PCDH9: variants seen among roughly 807,000 people sequenced by gnomAD.
The protein encoded by PCDH9 is protocadherin 9.
In PCDH9, 24 loss-of-function variants were observed where a neutral mutation model predicts 70.6. That is an observed-to-expected ratio of 0.34 (90% CI 0.25 to 0.48). The LOEUF (loss-of-function observed/expected upper bound fraction) is 0.48. Ranked by LOEUF, PCDH9 falls within the 20% of genes least tolerant of loss-of-function variation. The pLI is 0.99. For missense variants in PCDH9, 1,281 were observed against 1,503.6 expected, an observed-to-expected ratio of 0.85 and a Z score of 2.45; for synonymous variants, 562 against 558.5, an observed-to-expected ratio of 1.01 and a Z score of -0.09.
chr13:66,763,029 A>T (rs2079653543), intron 3 of PCDH9, among the ~76,000 whole-genome samples: 1 of 151,974 alleles, frequency 6.6e-6, no homozygotes, highest in South Asian at 2.1e-4. Flanking sequence ...TGGAAGGTTC[A>T]ACAATAGTGC....
At position 67,019,228 on chromosome 13, in the gene PCDH9, C is replaced by A. The variant is rs189778003; in HGVS notation, c.3037-115623G>T. 3.6e-3 allele frequency among the ~76,000 whole-genome samples: 471 copies of A among 129,370 alleles called. 5 individuals are homozygous for A. The highest frequency in any genetic ancestry group is 0.013 in the African/African-American group (457 of 34,680). The allele number at this position is 129,370 out of a possible 152,430, so 84.9% of individuals were successfully genotyped here. ...TTTTTTTCTGAGATGGAGTCTTGCT[C>A]TGTCGCCCAGGCTGGAGTGCAGTGG... On this transcript the variant is annotated intron_variant, in intron 2 of 4. Transcript: ENST00000377865.
intron 4 of PCDH9, among the ~76,000 whole-genome samples, chr13:66,378,569 G>C (rs1026232037): frequency 6.6e-6 from 1 of 152,178 alleles, no homozygotes; most frequent in Non-Finnish European, 1.5e-5. Context: ...GAAGACCTAT[G>C]ATTGTAGAAT....
chr13:66,399,727 C>T (rs74920427), intron 4 of PCDH9, among the ~76,000 whole-genome samples: 1 of 150,098 alleles, frequency 6.7e-6, no homozygotes, highest in Non-Finnish European at 1.5e-5. Flanking sequence ...AAATAAAGAA[C>T]CAAAAAAAAA....
At chr13:67,030,113 C>T (rs780129499) in intron 2 of PCDH9, among the ~76,000 whole-genome samples, 23 of 152,074 alleles carry the variant, frequency 1.5e-4, no homozygotes, top group Non-Finnish European at 3.2e-4. Context: ...TGGAGTCTCG[C>T]TCTGTCACCC....
chr13:66,810,633 A>G (rs1046557935), intron 3 of PCDH9, among the ~76,000 whole-genome samples: 1 of 151,962 alleles, frequency 6.6e-6, no homozygotes, highest in South Asian at 2.1e-4. Flanking sequence ...TTAAACTTCT[A>G]TCCCTAGTAT....
chr13:66,437,404 CA>C (rs66796123), intron 4 of PCDH9, among the ~76,000 whole-genome samples: 9 of 45,586 alleles, frequency 2.0e-4, no homozygotes, highest in East Asian at 1.2e-3. Flanking sequence ...GACTCTGTCT[CA>C]AAAAAAAAAA....
intron 2 of PCDH9, among the ~76,000 whole-genome samples, chr13:67,199,470 T>C (rs547588626): frequency 1.3e-5 from 2 of 151,964 alleles, no homozygotes; most frequent in Non-Finnish European, 2.9e-5. Flanking sequence ...AATAGCAAAA[T>C]ACATCTTTGA....
chr13:67,206,459 ATACTGT>A (rs1234307393), intron 2 of PCDH9: 2 of 152,172 alleles, frequency 1.3e-5, no homozygotes, highest in Non-Finnish European at 2.9e-5. Flanking sequence ...CGCCCGGCTG[ATACTGT>A]TAAAGTCTTA....
intron 3 of PCDH9, among the ~76,000 whole-genome samples, chr13:66,669,188 G>A (rs552568433): frequency 6.6e-6 from 1 of 152,152 alleles, no homozygotes; most frequent in South Asian, 2.1e-4. Context: ...GTTCCTAATT[G>A]GTCTGAGACA....
intron 4 of PCDH9, among the ~76,000 whole-genome samples, chr13:66,574,402 A>G (rs1432571718): frequency 3.3e-5 from 5 of 152,152 alleles, no homozygotes; most frequent in African/African-American, 9.7e-5. Flanking sequence ...TGATACATAA[A>G]TAAAGTAGAA....
At chr13:66,974,772 T>C (rs911970516) in intron 2 of PCDH9, among the ~76,000 whole-genome samples, 2 of 152,022 alleles carry the variant, frequency 1.3e-5, no homozygotes, top group African/African-American at 4.8e-5. Flanking sequence ...TATACAGAAT[T>C]TCAGTTCTTA....
intron 2 of PCDH9, among the ~76,000 whole-genome samples, chr13:67,031,035 G>C (rs2084895406): frequency 6.6e-6 from 1 of 152,104 alleles, no homozygotes; most frequent in Non-Finnish European, 1.5e-5. Flanking sequence ...AGGAGTTACT[G>C]CTTCCTACTA....
intron 3 of PCDH9, among the ~76,000 whole-genome samples, chr13:66,695,763 G>A (rs538739175): frequency 1.7e-4 from 26 of 152,110 alleles, no homozygotes; most frequent in African/African-American, 5.1e-4. Context: ...AAAAATACAC[G>A]TCAGTTTTAA....
chr13:66,446,450 A>G (rs547162636), intron 4 of PCDH9, among the ~76,000 whole-genome samples: 84 of 152,100 alleles, frequency 5.5e-4, no homozygotes, highest in Non-Finnish European at 9.9e-4. Flanking sequence ...AAAGATGAGT[A>G]GGAAAAAGAA....
chr13:66,402,225 A>G (rs1482481015), intron 4 of PCDH9, among the ~76,000 whole-genome samples: 1 of 152,166 alleles, frequency 6.6e-6, no homozygotes, highest in Non-Finnish European at 1.5e-5. Flanking sequence ...GACAGAGTAG[A>G]AGGGAAAACA....
chr13:66,817,464 A>G (rs2080628669), intron 3 of PCDH9, among the ~76,000 whole-genome samples: 1 of 152,166 alleles, frequency 6.6e-6, no homozygotes. Flanking sequence ...ATACTCATAG[A>G]TAGAAACTAC....
rs550500588 is a variant in PCDH9 at position 66,909,873 on chromosome 13, C to G, written c.3037-6268G>C. Among the ~76,000 whole-genome samples the G allele has an allele frequency of 1.8e-3, 271 of 152,208 alleles. 4 individuals carry two copies. Among genetic ancestry groups the G allele is most frequent in the African/African-American group, 6.1e-3 (252 of 41,528 alleles). ...ATAAGCTTATGTTCAACTTCGGGAC[C>G]CTGACACATGTTCCTACCCAGTGGA... On this transcript the variant is annotated intron_variant, in intron 2 of 4. Transcript: ENST00000377865.
At chr13:67,058,098 C>A (rs113334192) in intron 2 of PCDH9, among the ~76,000 whole-genome samples, 46 of 152,174 alleles carry the variant, frequency 3.0e-4, no homozygotes, top group Non-Finnish European at 5.7e-4. Flanking sequence ...CTGATATTTT[C>A]TGTTTTTATT....
rs557459479 is a variant in PCDH9, at chr13:66,707,389, G to T, written c.3139-75978C>A. On this transcript the variant is annotated intron_variant, in intron 3 of 4. Transcript: ENST00000377865. ...AAAAGCAAGTGACAAATACAAAAAGGCAGCACATATTGCCAGCTATTAAGC... is the reference window on the plus strand; with the variant it reads ...AAAAGCAAGTGACAAATACAAAAAGTCAGCACATATTGCCAGCTATTAAGC... Among the ~76,000 whole-genome samples, 3 of 152,244 alleles carry T rather than the reference G, an allele frequency of 2.0e-5. No homozygotes were observed. In the South Asian group the frequency reaches 6.2e-4, roughly 32 times the overall value.
Sources: gnomAD v4.1 joint callset for allele counts (sites outside exome capture counted in the v4.1 genomes callset) on GRCh38, gnomAD v4.1.1 for gene constraint, MANE v1.5 for transcripts, NCBI Gene and HGNC (gene_info 2026-07-23, HGNC 2026-07-21) for gene names.